The following AADACL2 variants were observed in gnomAD, a reference collection of about 807,000 sequenced individuals.
The protein encoded by AADACL2 is arylacetamide deacetylase-like 2.
A neutral mutation model predicts 22.3 loss-of-function variants in AADACL2; 23 were observed. The observed-to-expected ratio is 1.03, with a 90% CI of 0.74 to 1.46. The LOEUF is 1.46. Ranked by LOEUF, AADACL2 falls within the 40% of genes most tolerant of loss-of-function variation. The pLI, the probability that AADACL2 is intolerant of heterozygous loss-of-function variation, is 0.00. For synonymous variants in AADACL2, 177 were observed against 166.2 expected (o/e 1.07, Z -0.50); for missense variants, 472 against 482.9 (o/e 0.98, Z 0.21).
chr3:151,735,920 T>C (rs1713071689), intron 1 of AADACL2, among the ~76,000 whole-genome samples: 1 of 152,162 alleles, frequency 6.6e-6, no homozygotes, highest in Non-Finnish European at 1.5e-5. Flanking sequence ...ATGAGTAAAC[T>C]GTCCAGTGAC....
At chr3:151,741,237 A>C (rs188616602) in intron 2 of AADACL2, among the ~76,000 whole-genome samples, 108 of 152,312 alleles carry the variant, frequency 7.1e-4, no homozygotes, top group African/African-American at 2.5e-3. Flanking sequence ...ACAAGTCAAA[A>C]GCATTTGCTA....
chr3:151,740,650 TG>T lies in AADACL2; in HGVS notation c.144del (p.Met48IlefsTer9), dbSNP rs1475453860. ...TTGTTTGTTTTGTTCTTACAGGCTA[TG>T]TGTTTTGAAAATATGCGTATTATGA... Reference protein sequence around the residue: ...AIAKTCTFTAMCFENMRIMRY... With the variant: ...AIAKTCTFTAXCFENMRIMRY... On this transcript the variant is annotated frameshift_variant, in exon 2 of 5. Transcript: ENST00000356517. LOFTEE classifies it high-confidence loss of function. The T allele has an allele frequency of 1.9e-6, 3 of 1,602,476 alleles. No homozygotes were observed. The highest frequency in any genetic ancestry group is 2.6e-6 in the Non-Finnish European group (3 of 1,172,052).
intron 4 of AADACL2, 68 bp downstream of exon 4, chr3:151,745,748 A>G (rs954588009): frequency 1.4e-6 from 2 of 1,459,038 alleles, no homozygotes; most frequent in South Asian, 1.4e-5. Context: ...TAGATAATTC[A>G]GTTCTTCCCC....
chr3:151,734,120 G>T lies in AADACL2; in HGVS notation c.85G>T (p.Glu29Ter). Residue 29 changes from glutamate (E) to a stop codon, truncating the protein, a stop_gained, in exon 1 of 5, where the codon GAA (glutamate) becomes TAA (stop). Coordinates refer to ENST00000356517, the MANE Select transcript of AADACL2 (RefSeq NM_207365.4). LOFTEE classifies it high-confidence loss of function. The part of the protein sequence containing the change: ...FYTPMPDNIE[E>*]SWKIMALDAI... Reference sequence around the variant, plus strand: ...CACACCCATGCCAGACAACATTGAAGAAAGCTGGAAAATAATGGCCTTGGA... The same window carrying T: ...CACACCCATGCCAGACAACATTGAATAAAGCTGGAAAATAATGGCCTTGGA... The T allele has an allele frequency of 6.2e-7, 1 of 1,613,538 alleles. No homozygotes were observed. The highest frequency in any genetic ancestry group is 8.5e-7 in the Non-Finnish European group (1 of 1,179,734).
At chr3:151,739,110 T>G (rs1329388312) in intron 1 of AADACL2, among the ~76,000 whole-genome samples, 1 of 152,180 alleles carries the variant, frequency 6.6e-6, no homozygotes, top group Non-Finnish European at 1.5e-5. Context: ...TCTGGGCTGG[T>G]TTTTCCTCAT....
At chr3:151,738,305 G>C (rs951350979) in intron 1 of AADACL2, among the ~76,000 whole-genome samples, 1 of 152,148 alleles carries the variant, frequency 6.6e-6, no homozygotes, top group Non-Finnish European at 1.5e-5. Context: ...TTTTCTTTAA[G>C]AATGTTGAAT....
At position 151,759,884 on chromosome 3, in the gene AADACL2, T is replaced by C. The variant is rs973181644; in HGVS notation, c.*2290T>C. 1.3e-5 allele frequency: 2 copies of C among 152,138 alleles called. No homozygotes were observed. The highest frequency in any genetic ancestry group is 4.8e-5 in the African/African-American group (2 of 41,434). 9.4% of individuals were successfully genotyped at this position (152,138 alleles called of 1,614,324 possible). On this transcript the variant is annotated 3_prime_UTR_variant, in exon 5 of 5. Transcript: ENST00000356517. The stretch of plus-strand genomic sequence containing the variant: ...GAGCATTGTGATCAAGCCATTAAGT[T>C]TGGAAACAACTGAATGAAAGTCGTC...
intron 4 of AADACL2, among the ~76,000 whole-genome samples, chr3:151,755,839 G>T (rs904831384): frequency 2.0e-5 from 3 of 152,066 alleles, no homozygotes; most frequent in Non-Finnish European, 4.4e-5. Flanking sequence ...ATGACTGAGG[G>T]TGGGCTATTG....
At chr3:151,752,949 T>G (rs186345950) in intron 4 of AADACL2, among the ~76,000 whole-genome samples, 252 of 152,308 alleles carry the variant, frequency 1.7e-3, no homozygotes, top group African/African-American at 6.0e-3. Flanking sequence ...CATCCCATAT[T>G]TCTATGGCTG....
intron 4 of AADACL2, among the ~76,000 whole-genome samples, chr3:151,751,798 A>G (rs891982725): frequency 2.6e-5 from 4 of 152,222 alleles, no homozygotes; most frequent in Admixed American, 2.6e-4. Flanking sequence ...ACAATACTTA[A>G]TAACACAGGC....
chr3:151,738,610 C>T (rs2107980880), intron 1 of AADACL2, among the ~76,000 whole-genome samples: 1 of 152,290 alleles, frequency 6.6e-6, no homozygotes. Context: ...TTCCATTCTC[C>T]TTGTCACTTT....
At chr3:151,742,276 T>G (rs1462578586) in intron 2 of AADACL2, among the ~76,000 whole-genome samples, 1 of 70,598 alleles carries the variant, frequency 1.4e-5, no homozygotes, top group Non-Finnish European at 2.9e-5. Context: ...TATCTTTTTG[T>G]TTTTCAACAT....
In AADACL2 at chr3:151,750,303, C is replaced by T. The variant is rs1002318601; in HGVS notation, c.603+4623C>T. 4.6e-5 allele frequency among the ~76,000 whole-genome samples: 7 copies of T among 152,106 alleles called. 1 individual carries two copies. Among genetic ancestry groups the T allele is most frequent in the Admixed American group, 4.6e-4 (7 of 15,266 alleles). On this transcript the variant is annotated intron_variant, in intron 4 of 4. Coordinates refer to ENST00000356517, the MANE Select transcript of AADACL2 (RefSeq NM_207365.4). ...GCCAGAATATCTTTGCCTTTCATGA[C>T]CTCAACATTTTTTAACAGTGCTGGG...
In AADACL2 at chr3:151,740,671, T is replaced by C; in HGVS notation, c.164T>C (p.Ile55Thr). 6.2e-7 allele frequency: 1 copy of C among 1,612,266 alleles called. No homozygotes were observed. The highest frequency in any genetic ancestry group is 8.5e-7 in the Non-Finnish European group (1 of 1,179,008). ...GCTATGTGTTTTGAAAATATGCGTA[T>C]TATGAGATATGAAGAGTTTATATCC... ...FTAMCFENMR[I>T]MRYEEFISMI... The change falls in exon 2 of 5, where the codon ATT becomes ACT. Residue 55 changes from isoleucine (I) to threonine (T), a missense_variant. Physicochemically the swap from Ile to Thr is moderately conservative, Grantham distance 89. Around this residue, in one of 3 missense-constraint regions of AADACL2, gnomAD observed 356 missense variants for 365.5 expected, o/e 0.97. Coordinates refer to ENST00000356517, the MANE Select transcript of AADACL2 (RefSeq NM_207365.4).
In AADACL2 at chr3:151,740,939, T is replaced by C. The variant is rs1713261763; in HGVS notation, c.361+71T>C. On this transcript the variant is annotated intron_variant, in intron 2 of 4. Transcript: ENST00000356517. ...TGATATAAGAACTATTTTATATAAATATACACACTTATACTGATACATACA... is the reference window on the plus strand; with the variant it reads ...TGATATAAGAACTATTTTATATAAACATACACACTTATACTGATACATACA... 3 of 1,162,428 alleles carry C rather than the reference T, an allele frequency of 2.6e-6. No individual in the cohort carries two copies. In the South Asian group the frequency reaches 4.3e-5, roughly 17 times the overall value. The allele number at this position is 1,162,428 out of a possible 1,614,324, so 72.0% of individuals were successfully genotyped here. A position where few individuals can be genotyped will look rare whatever the true frequency, so the allele number is the denominator to read the frequency against.
At chr3:151,749,336 GT>G (rs910416122) in intron 4 of AADACL2, among the ~76,000 whole-genome samples, 4 of 151,930 alleles carry the variant, frequency 2.6e-5, no homozygotes, top group Non-Finnish European at 5.9e-5. Flanking sequence ...TTTTAAGATA[GT>G]TTGTTGTTGG....
At position 151,753,401 on chromosome 3, in the gene AADACL2, A is replaced by T. The variant is rs571055763; in HGVS notation, c.604-3591A>T. The stretch of plus-strand genomic sequence containing the variant: ...CTGCAAGGAGGAGAGCAGGTTGATT[A>T]TCTTGGACTCTAGCCCATGTGGGAG... On this transcript the variant is annotated intron_variant, in intron 4 of 4. Coordinates refer to ENST00000356517, the MANE Select transcript of AADACL2 (RefSeq NM_207365.4). Among the ~76,000 whole-genome samples the T allele has an allele frequency of 2.8e-4, 42 of 152,294 alleles. No individual in the cohort carries two copies. In the East Asian group the frequency reaches 7.5e-3, roughly 27 times the overall value.
At chr3:151,754,777 T>C (rs1713826032) in intron 4 of AADACL2, among the ~76,000 whole-genome samples, 3 of 152,162 alleles carry the variant, frequency 2.0e-5, no homozygotes, top group Admixed American at 1.3e-4. Context: ...CTCTCAAATT[T>C]TGACCTTTTA....
chr3:151,758,455 C>T lies in AADACL2; in HGVS notation c.*861C>T, dbSNP rs961963226. The stretch of plus-strand genomic sequence containing the variant: ...TATTTGCAGATTTCCCCACCCTTTT[C>T]TATATAAAGTAACCTTCAGAGATTA... On this transcript the variant is annotated 3_prime_UTR_variant, in exon 5 of 5. Coordinates refer to ENST00000356517, the MANE Select transcript of AADACL2 (RefSeq NM_207365.4). 5.9e-5 allele frequency: 9 copies of T among 152,022 alleles called. No individual in the cohort carries two copies. Among genetic ancestry groups the T allele is most frequent in the African/African-American group, 2.2e-4 (9 of 41,390 alleles). The allele number at this position is 152,022 out of a possible 1,614,324, so 9.4% of individuals were successfully genotyped here.
Sources: allele counts gnomAD v4.1 joint callset (sites outside exome capture counted in the v4.1 genomes callset), GRCh38; gene constraint gnomAD v4.1.1; regional missense constraint gnomAD v4.1.1; transcripts MANE v1.5; gene names NCBI Gene and HGNC (gene_info 2026-07-23, HGNC 2026-07-21).